The following ASTN1 variants were observed in gnomAD, a reference collection of about 807,000 sequenced individuals.
The protein encoded by ASTN1 is astrotactin 1.
In ASTN1, 41 loss-of-function variants were observed where a neutral mutation model predicts 140.7. The ratio of observed to expected loss-of-function variants is 0.29; its 90% CI spans 0.23 to 0.38. ASTN1 has a LOEUF of 0.38. Ranked by LOEUF, ASTN1 falls within the 10% of genes least tolerant of loss-of-function variation. The pLI, the probability that ASTN1 is intolerant of heterozygous loss-of-function variation, is 1.00. For missense variants in ASTN1, 1,479 were observed against 1,678.8 expected, an observed-to-expected ratio of 0.88 and a Z score of 2.08; for synonymous variants, 640 against 652.2, an observed-to-expected ratio of 0.98 and a Z score of 0.29.
chr1:176,973,649 C>T (rs1191217559), intron 8 of ASTN1, among the ~76,000 whole-genome samples: 1 of 152,194 alleles, frequency 6.6e-6, no homozygotes, highest in African/African-American at 2.4e-5. Context: ...AAACCTCTGA[C>T]ACCTCCTCCC....
At chr1:177,037,026 G>C (rs1018131534) in intron 2 of ASTN1, among the ~76,000 whole-genome samples, 1 of 151,994 alleles carries the variant, frequency 6.6e-6, no homozygotes, top group Non-Finnish European at 1.5e-5. Flanking sequence ...GACCATGTCG[G>C]GGAGGCTGGT....
chr1:177,084,865 T>G (rs1679352583), intron 1 of ASTN1, among the ~76,000 whole-genome samples: 1 of 152,342 alleles, frequency 6.6e-6, no homozygotes, highest in East Asian at 1.9e-4. Flanking sequence ...TGAATTTGTT[T>G]TTTCTCTTCA....
At chr1:176,965,070 T>C (rs1672817355) in intron 9 of ASTN1, 93 bp downstream of exon 9, 1 of 1,242,306 alleles carries the variant, frequency 8.0e-7, no homozygotes, top group African/African-American at 1.5e-5. Context: ...GTGTTTCCTA[T>C]TTTATACTTT....
intron 2 of ASTN1, among the ~76,000 whole-genome samples, chr1:177,051,704 A>G (rs1191397253): frequency 6.6e-6 from 1 of 152,168 alleles, no homozygotes; most frequent in Non-Finnish European, 1.5e-5. Context: ...TGAGATGGGC[A>G]GAGGGTGGGT....
chr1:177,149,245 C>CTATATATAGTAAATATATATATAG (rs1682880584), intron 1 of ASTN1, among the ~76,000 whole-genome samples: 1 of 73,766 alleles, frequency 1.4e-5, no homozygotes, highest in Admixed American at 2.0e-4. Context: ...TATATATATA[C>CTATATATAGTAAATATATATATAG]TATATATAGT....
chr1:177,020,895 T>TG (rs1349722488), intron 7 of ASTN1, among the ~76,000 whole-genome samples: 7 of 152,194 alleles, frequency 4.6e-5, no homozygotes, highest in African/African-American at 1.7e-4. Flanking sequence ...ACAAGTGCAC[T>TG]GCACAGCTCC....
At chr1:176,860,390 T>TA (rs1667927167), downstream of ASTN1, among the ~76,000 whole-genome samples, 1 of 152,232 alleles carries the variant, frequency 6.6e-6, no homozygotes, top group Non-Finnish European at 1.5e-5. Flanking sequence ...GAGGACCTAT[T>TA]AAGTCCAGGC....
intron 1 of ASTN1, among the ~76,000 whole-genome samples, chr1:177,076,005 C>G (rs1571747011): frequency 6.6e-6 from 1 of 152,080 alleles, no homozygotes; most frequent in South Asian, 2.1e-4. Flanking sequence ...ACTGGTAGAA[C>G]ATGGTGGCTC....
At chr1:177,155,561 TG>T (rs1683201791) in intron 1 of ASTN1, among the ~76,000 whole-genome samples, 1 of 152,218 alleles carries the variant, frequency 6.6e-6, no homozygotes, top group African/African-American at 2.4e-5. Context: ...CTAATAAAGT[TG>T]TTCCCCATGG....
In ASTN1 at chr1:177,090,299, A is replaced by T. The variant is rs532386000; in HGVS notation, c.284-29034T>A. Among the ~76,000 whole-genome samples, 9 of 151,962 alleles carry T rather than the reference A, an allele frequency of 5.9e-5. No homozygotes were observed. The East Asian group carries it at 1.7e-3, about 29-fold the overall frequency. ...CTGTCTGTCTTCCCTAATTTGAAAG[A>T]TCCTTAACATTAATTGAGCATATGC... On this transcript the variant is annotated intron_variant, in intron 1 of 22. Coordinates refer to ENST00000361833, the MANE Select transcript of ASTN1 (RefSeq NM_004319.3).
At position 177,061,393 on chromosome 1, in the gene ASTN1, G is replaced by A. The variant is rs938864192; in HGVS notation, c.284-128C>T. ...CAACAGAAGTTTCCAACAATGTATA[G>A]TTAGGTCAGATTTTACTGCTACTCC... On this transcript the variant is annotated intron_variant, in intron 1 of 22. Coordinates refer to ENST00000361833, the MANE Select transcript of ASTN1 (RefSeq NM_004319.3). 4 of 846,996 alleles carry A rather than the reference G, an allele frequency of 4.7e-6. No individual in the cohort carries two copies. The African/African-American group carries it at 7.0e-5, about 15-fold the overall frequency. The allele number at this position is 846,996 out of a possible 1,614,324, so 52.5% of individuals were successfully genotyped here.
intron 11 of ASTN1, among the ~76,000 whole-genome samples, chr1:176,951,489 A>G (rs1672188967): frequency 6.6e-6 from 1 of 152,224 alleles, no homozygotes; most frequent in African/African-American, 2.4e-5. Flanking sequence ...TTAAGCAGAT[A>G]AAGTCAGTCC....
At chr1:177,035,814 A>G (rs1676686726) in intron 2 of ASTN1, among the ~76,000 whole-genome samples, 1 of 152,192 alleles carries the variant, frequency 6.6e-6, no homozygotes. Context: ...CTCACAGGCC[A>G]TTTTGGTAAG....
chr1:177,157,652 A>T (rs190378911), intron 1 of ASTN1, among the ~76,000 whole-genome samples: 329 of 151,614 alleles, frequency 2.2e-3, no homozygotes, highest in Middle Eastern at 6.8e-3. Flanking sequence ...ATTTTTTTTT[A>T]AAAAAAAGGA....
intron 8 of ASTN1, among the ~76,000 whole-genome samples, chr1:177,012,757 G>T (rs184440904): frequency 6.6e-6 from 1 of 152,156 alleles, no homozygotes; most frequent in South Asian, 2.1e-4. Flanking sequence ...TGTCTACAAG[G>T]CTAGAGATGT....
intron 1 of ASTN1, among the ~76,000 whole-genome samples, chr1:177,082,310 C>T (rs1054809555): frequency 6.6e-6 from 1 of 152,124 alleles, no homozygotes; most frequent in Non-Finnish European, 1.5e-5. Flanking sequence ...CTTCTCTGGA[C>T]CTGAGTTTCC....
At chr1:177,024,870 T>C in intron 5 of ASTN1, 138 bp from the exon 6 acceptor site, 2 of 956,952 alleles carry the variant, frequency 2.1e-6, no homozygotes, top group Non-Finnish European at 3.1e-6. Flanking sequence ...TGTCTCTGGC[T>C]GCATGACCTC....
intron 1 of ASTN1, among the ~76,000 whole-genome samples, chr1:177,159,597 A>C (rs551137975): frequency 1.3e-5 from 2 of 152,340 alleles, no homozygotes; most frequent in Admixed American, 6.5e-5. Flanking sequence ...ACTGCTATTT[A>C]AACAGCTCCA....
intron 1 of ASTN1, among the ~76,000 whole-genome samples, chr1:177,084,896 C>T (rs780309247): frequency 1.3e-5 from 2 of 151,994 alleles, no homozygotes; most frequent in African/African-American, 2.4e-5. Flanking sequence ...CACTTCTTAA[C>T]CCACTGACAT....
Sources: gnomAD v4.1 joint callset for allele counts (sites outside exome capture counted in the v4.1 genomes callset) on GRCh38, gnomAD v4.1.1 for gene constraint, MANE v1.5 for transcripts, NCBI Gene and HGNC (gene_info 2026-07-23, HGNC 2026-07-21) for gene names.